The following RELN variants were observed in gnomAD, a reference collection of about 807,000 sequenced individuals.
RELN encodes reelin.
Under a neutral mutation model 427.6 loss-of-function variants are expected in RELN, and 108 were observed. The observed-to-expected ratio is 0.25, with a 90% confidence interval of 0.22 to 0.30. RELN has a LOEUF of 0.30. Ranked by LOEUF, RELN falls within the 10% of genes least tolerant of loss-of-function variation. The pLI, the probability that RELN is intolerant of heterozygous loss-of-function variation, is 1.00. For synonymous variants in RELN, 1,524 were observed against 1,513.4 expected (o/e 1.01, Z -0.16); for missense variants, 3,715 against 4,302.8 (o/e 0.86, Z 3.82).
In RELN at chr7:103,472,100, T is replaced by C. The variant is rs1827878680; in HGVS notation, c.*712A>G. On this transcript the variant is annotated 3_prime_UTR_variant, in exon 65 of 65. Transcript: ENST00000428762. Reference sequence around the variant, plus strand: ...CTTTAGACAAGGAAATGGGAACTTATTTGTGGGAGATAGGGTCTTCATCCA... The same window carrying C: ...CTTTAGACAAGGAAATGGGAACTTACTTGTGGGAGATAGGGTCTTCATCCA... The C allele has an allele frequency of 6.6e-6, 1 of 152,416 alleles. No individual in the cohort carries two copies. Among genetic ancestry groups the C allele is most frequent in the African/African-American group, 2.4e-5 (1 of 41,456 alleles). The allele number at this position is 152,416 out of a possible 1,614,324, so 9.4% of individuals were successfully genotyped here.
At chr7:103,629,574 T>C (rs1832405736) in intron 20 of RELN, among the ~76,000 whole-genome samples, 1 of 152,096 alleles carries the variant, frequency 6.6e-6, no homozygotes, top group Non-Finnish European at 1.5e-5. Flanking sequence ...ATAAACCCCA[T>C]GGGCCTCTGA....
At chr7:103,984,835 T>C (rs998215840) in intron 1 of RELN, among the ~76,000 whole-genome samples, 42 of 152,346 alleles carry the variant, frequency 2.8e-4, no homozygotes, top group African/African-American at 1.0e-3. Flanking sequence ...GCAGTTACTT[T>C]AGTAATGGCA....
intron 51 of RELN, among the ~76,000 whole-genome samples, chr7:103,509,171 C>T (rs566568332): frequency 6.6e-6 from 1 of 152,260 alleles, no homozygotes; most frequent in South Asian, 2.1e-4. Context: ...TCACATGGAA[C>T]CAGAAAAGAG....
intron 1 of RELN, among the ~76,000 whole-genome samples, chr7:103,982,098 G>A (rs1024230570): frequency 2.6e-5 from 4 of 152,020 alleles, no homozygotes; most frequent in African/African-American, 7.2e-5. Context: ...CCCAGGAGGT[G>A]GAGGTTACAG....
intron 20 of RELN, among the ~76,000 whole-genome samples, chr7:103,612,674 T>C (rs528755095): frequency 2.2e-4 from 33 of 152,334 alleles, no homozygotes; most frequent in African/African-American, 7.9e-4. Flanking sequence ...CGATTTACAA[T>C]TTTCTTTTTG....
rs1249024803 is a variant in RELN, at chr7:103,593,875, T to G, written c.3719A>C (p.Tyr1240Ser). Reference sequence around the variant, plus strand: ...AGGGTAATCAAAAGCTGGCTTCTCATAAAAGTTCTAATAGAAACAATACAA... The same window carrying G: ...AGGGTAATCAAAAGCTGGCTTCTCAGAAAAGTTCTAATAGAAACAATACAA... Reference protein sequence around the residue: ...VINPTLPQNFYEKPAFDYPMN... With the variant: ...VINPTLPQNFSEKPAFDYPMN... Residue 1240 changes from tyrosine to serine, a missense_variant, in exon 27 of 65, where the codon TAT becomes TCT. Physicochemically the swap from Tyr to Ser is moderately radical, Grantham distance 144. Around this residue, in one of 4 missense-constraint regions of RELN, gnomAD observed 2,208 missense variants for 2,361.7 expected, o/e 0.93. Transcript: ENST00000428762. 1 of 1,611,628 alleles carries G rather than the reference T, an allele frequency of 6.2e-7. No homozygotes were observed. Among genetic ancestry groups the G allele is most frequent in the Non-Finnish European group, 8.5e-7 (1 of 1,178,060 alleles).
intron 11 of RELN, among the ~76,000 whole-genome samples, chr7:103,667,512 T>A (rs999749710): frequency 6.6e-6 from 1 of 152,182 alleles, no homozygotes; most frequent in Non-Finnish European, 1.5e-5. Context: ...TCCTAAGGCA[T>A]GAAGATATGT....
At chr7:103,633,198 T>A (rs990458904) in intron 19 of RELN, among the ~76,000 whole-genome samples, 5 of 152,078 alleles carry the variant, frequency 3.3e-5, no homozygotes, top group South Asian at 2.1e-4. Context: ...AATTTATGAA[T>A]CACACTTCAT....
At chr7:103,517,671 A>C (rs1829599724) in intron 49 of RELN, among the ~76,000 whole-genome samples, 1 of 152,218 alleles carries the variant, frequency 6.6e-6, no homozygotes, top group African/African-American at 2.4e-5. Context: ...AGTTGAGCAC[A>C]GGGTACTCTG....
At chr7:103,581,493 G>C (rs1185842935) in intron 28 of RELN, among the ~76,000 whole-genome samples, 2 of 152,160 alleles carry the variant, frequency 1.3e-5, no homozygotes, top group East Asian at 3.9e-4. Context: ...TGCTGTGATG[G>C]GATGAGAATT....
chr7:103,950,928 ATTG>A (rs541663912), intron 1 of RELN, among the ~76,000 whole-genome samples: 25 of 152,042 alleles, frequency 1.6e-4, no homozygotes, highest in Non-Finnish European at 2.6e-4. Context: ...GTTTTTTGAC[ATTG>A]TTGTTGTTGT....
rs1292580466 is a variant in RELN, at chr7:103,709,872, T to C, written c.806-8866A>G. 3.3e-5 allele frequency among the ~76,000 whole-genome samples: 5 copies of C among 152,196 alleles called. No individual in the cohort carries two copies. The East Asian group carries it at 7.7e-4, about 23-fold the overall frequency. ...TCAGAACAGTAGCTATAGCAGTATATAGAAATCTCTATGGTCCCTATAAGA... is the reference window on the plus strand; with the variant it reads ...TCAGAACAGTAGCTATAGCAGTATACAGAAATCTCTATGGTCCCTATAAGA... On this transcript the variant is annotated intron_variant, in intron 8 of 64. Coordinates refer to ENST00000428762, the MANE Select transcript of RELN (RefSeq NM_005045.4).
At chr7:103,972,919 T>TGTGTGTGTGTGC (rs749802741) in intron 1 of RELN, among the ~76,000 whole-genome samples, 3 of 151,870 alleles carry the variant, frequency 2.0e-5, no homozygotes, top group East Asian at 1.9e-4. Flanking sequence ...TGTGTGTGTG[T>TGTGTGTGTGTGC]GCTACAAGAT....
At chr7:103,632,163 C>T (rs1832484330) in intron 19 of RELN, among the ~76,000 whole-genome samples, 1 of 152,164 alleles carries the variant, frequency 6.6e-6, no homozygotes, top group Non-Finnish European at 1.5e-5. Context: ...TGTAATCAGA[C>T]TCTTGGGCCA....
chr7:103,582,864 T>C (rs1034230955), intron 28 of RELN, among the ~76,000 whole-genome samples: 6 of 152,222 alleles, frequency 3.9e-5, no homozygotes, highest in African/African-American at 7.2e-5. Flanking sequence ...TCAATCTCTA[T>C]GGTTTAACCT....
chr7:103,486,735 T>A (rs993257271), intron 60 of RELN, among the ~76,000 whole-genome samples: 1 of 152,142 alleles, frequency 6.6e-6, no homozygotes, highest in Non-Finnish European at 1.5e-5. Context: ...AGAATGGTGA[T>A]CATTAAAAAG....
At chr7:103,637,116 G>A (rs1225720886) in intron 17 of RELN, among the ~76,000 whole-genome samples, 6 of 152,056 alleles carry the variant, frequency 3.9e-5, no homozygotes, top group Non-Finnish European at 8.8e-5. Context: ...GTAAGAATGT[G>A]CTGTATTTAT....
chr7:103,738,935 C>T (rs1790566390), intron 6 of RELN, among the ~76,000 whole-genome samples: 1 of 152,094 alleles, frequency 6.6e-6, no homozygotes, highest in Non-Finnish European at 1.5e-5. Context: ...TCTGCCTTGG[C>T]CTCCTAAAGT....
intron 2 of RELN, among the ~76,000 whole-genome samples, chr7:103,856,338 G>A (rs981920863): frequency 6.6e-6 from 1 of 151,942 alleles, no homozygotes; most frequent in African/African-American, 2.4e-5. Flanking sequence ...AGCACTTTGG[G>A]GGGCTGAGGC....
Sources: gnomAD v4.1 joint callset for allele counts (sites outside exome capture counted in the v4.1 genomes callset) on GRCh38, gnomAD v4.1.1 for gene constraint, gnomAD v4.1.1 regional missense constraint, MANE v1.5 for transcripts, NCBI Gene and HGNC (gene_info 2026-07-23, HGNC 2026-07-21) for gene names.